COL5A2: variants seen among roughly 807,000 people sequenced by gnomAD.
COL5A2 encodes the protein collagen type V alpha 2 chain, also known as collagen alpha-2(V) chain.
Under a neutral mutation model 208.2 loss-of-function variants are expected in COL5A2, and 23 were observed. The ratio of observed to expected loss-of-function variants is 0.11; its 90% CI spans 0.08 to 0.16. The LOEUF (loss-of-function observed/expected upper bound fraction) is 0.16, where lower values mean the gene tolerates loss of function less well. Ranked by LOEUF, COL5A2 falls within the 10% of genes least tolerant of loss-of-function variation. COL5A2 has a pLI of 1.00. For missense variants in COL5A2, 1,590 were observed against 1,956.4 expected (o/e 0.81, Z 3.53); for synonymous variants, 625 against 628.5 (o/e 0.99, Z 0.08).
intron 1 of COL5A2, among the ~76,000 whole-genome samples, chr2:189,121,736 CAAAAAAAAAAAA>C (rs3084490): frequency 3.9e-5 from 3 of 77,700 alleles, no homozygotes; most frequent in Non-Finnish European, 4.5e-5. Context: ...GACTCCGTCT[CAAAAAAAAAAAA>C]AAAAAAAAAA....
At chr2:189,399,588 T>C in the COL5A2 span, among the ~76,000 whole-genome samples, 1 of 152,136 alleles carries the variant, frequency 6.6e-6, no homozygotes, top group Non-Finnish European at 1.5e-5. Flanking sequence ...TAGAATAGAA[T>C]TTTGTGGCTG....
chr2:189,114,687 G>C (rs1195880890), intron 1 of COL5A2, among the ~76,000 whole-genome samples: 1 of 150,936 alleles, frequency 6.6e-6, no homozygotes, highest in Non-Finnish European at 1.5e-5. Flanking sequence ...GCCGGTCAGG[G>C]AGTAGGGTGG....
chr2:189,101,855 G>T (rs1040032794), intron 3 of COL5A2, among the ~76,000 whole-genome samples: 1 of 151,918 alleles, frequency 6.6e-6, no homozygotes, highest in Non-Finnish European at 1.5e-5. Context: ...AAACACTAGG[G>T]ACTAATAGCC....
At chr2:189,378,698 T>A in the COL5A2 span, among the ~76,000 whole-genome samples, 4 of 143,814 alleles carry the variant, frequency 2.8e-5, no homozygotes, top group African/African-American at 7.8e-5. Flanking sequence ...CACTCTAGCC[T>A]GGGCGACAGT....
At chr2:189,437,041 G>A in the COL5A2 span, among the ~76,000 whole-genome samples, 1 of 152,128 alleles carries the variant, frequency 6.6e-6, no homozygotes, top group Admixed American at 6.5e-5. Flanking sequence ...AAGAGAGAGA[G>A]AAAGTCTGAA....
chr2:189,346,618 C>G, the COL5A2 span, among the ~76,000 whole-genome samples: 1 of 152,006 alleles, frequency 6.6e-6, no homozygotes, highest in East Asian at 1.9e-4. Flanking sequence ...TGACTATGTA[C>G]AGATATATTA....
chr2:189,074,339 G>A (rs866445889), intron 17 of COL5A2, among the ~76,000 whole-genome samples: 2 of 152,108 alleles, frequency 1.3e-5, no homozygotes, highest in East Asian at 1.9e-4. Context: ...ATCTTCAAGC[G>A]TGAATTAAAG....
At chr2:189,210,189 T>C (rs1689193989) in intron 1 of COL5A2, among the ~76,000 whole-genome samples, 1 of 152,194 alleles carries the variant, frequency 6.6e-6, no homozygotes, top group South Asian at 2.1e-4. Context: ...TTCAACTGTT[T>C]CTTTTTTCTT....
the COL5A2 span, among the ~76,000 whole-genome samples, chr2:189,390,444 A>G: frequency 1.3e-5 from 2 of 152,298 alleles, no homozygotes; most frequent in Non-Finnish European, 1.5e-5. Context: ...CATACTCCCT[A>G]ATAGAGAGAA....
chr2:189,068,397 T>A, intron 19 of COL5A2, 127 bp from the exon 20 acceptor site: 1 of 818,442 alleles, frequency 1.2e-6, no homozygotes, highest in Non-Finnish European at 2.1e-6. Context: ...CAACCACCAT[T>A]ATATCATAAA....
chr2:189,411,416 G>C, the COL5A2 span, among the ~76,000 whole-genome samples: 1 of 152,080 alleles, frequency 6.6e-6, no homozygotes, highest in African/African-American at 2.4e-5. Context: ...TCTTTTAAAA[G>C]AGAAAGGGAA....
the COL5A2 span, among the ~76,000 whole-genome samples, chr2:189,386,934 A>G: frequency 6.6e-6 from 1 of 151,804 alleles, no homozygotes; most frequent in Non-Finnish European, 1.5e-5. Context: ...TCAGCAGAAA[A>G]ACTGTTTGAC....
At chr2:189,130,056 G>A (rs542738469) in intron 1 of COL5A2, among the ~76,000 whole-genome samples, 54 of 152,074 alleles carry the variant, frequency 3.6e-4, no homozygotes, top group Non-Finnish European at 6.0e-4. Flanking sequence ...ACAAAAATGC[G>A]TTTTCTGTCT....
chr2:189,134,616 T>C (rs555270651), intron 1 of COL5A2, among the ~76,000 whole-genome samples: 1 of 152,242 alleles, frequency 6.6e-6, no homozygotes, highest in Non-Finnish European at 1.5e-5. Flanking sequence ...AGTACATCAT[T>C]GTCAACAGTT....
chr2:189,426,306 A>G, the COL5A2 span, among the ~76,000 whole-genome samples: 14 of 152,210 alleles, frequency 9.2e-5, no homozygotes, highest in East Asian at 1.9e-4. Context: ...ACTGCCTCCC[A>G]TTCTATTCAA....
intron 1 of COL5A2, among the ~76,000 whole-genome samples, chr2:189,185,776 C>T (rs1688844269): frequency 1.3e-5 from 2 of 152,284 alleles, no homozygotes; most frequent in Middle Eastern, 3.4e-3. Context: ...ATTTCCTGAA[C>T]ATACATTGTT....
chr2:189,093,528 T>C (rs532808933), intron 6 of COL5A2, among the ~76,000 whole-genome samples: 94 of 152,134 alleles, frequency 6.2e-4, no homozygotes, highest in African/African-American at 2.2e-3. Context: ...TTGGGGAGGG[T>C]GGCATCATAG....
chr2:189,111,450 C>T (rs1687258613), intron 1 of COL5A2, among the ~76,000 whole-genome samples: 1 of 152,166 alleles, frequency 6.6e-6, no homozygotes, highest in African/African-American at 2.4e-5. Context: ...GACCTTCTTT[C>T]CCATTTCTTG....
intron 1 of COL5A2, among the ~76,000 whole-genome samples, chr2:189,112,676 C>T (rs1205636685): frequency 6.6e-6 from 1 of 152,282 alleles, no homozygotes; most frequent in East Asian, 1.9e-4. Context: ...TCACATAATA[C>T]ATATCTAATC....
Sources: gnomAD v4.1 joint callset for allele counts (sites outside exome capture counted in the v4.1 genomes callset) on GRCh38, gnomAD v4.1.1 for gene constraint, MANE v1.5 for transcripts, NCBI Gene and HGNC (gene_info 2026-07-23, HGNC 2026-07-21) for gene names.